Variants in SGCD observed in about 807,000 individuals in gnomAD.
The protein encoded by SGCD is delta-sarcoglycan.
Under a neutral mutation model 36.6 loss-of-function variants are expected in SGCD, and 18 were observed. The ratio of observed to expected loss-of-function variants is 0.49; its 90% confidence interval spans 0.34 to 0.73. The LOEUF is 0.73. SGCD is among the 30% of genes least tolerant of loss of function. SGCD has a pLI of 0.01. For synonymous variants in SGCD, 133 were observed against 130.6 expected (o/e 1.02, Z -0.12); for missense variants, 387 against 346.7 (o/e 1.12, Z -0.92).
chr5:155,938,065 C>T (rs758111463), intron 1 of SGCD, among the ~76,000 whole-genome samples: 10 of 152,310 alleles, frequency 6.6e-5, no homozygotes, highest in South Asian at 6.2e-4. Context: ...CAGACATGAA[C>T]GCAAACATGC....
intron 7 of SGCD, among the ~76,000 whole-genome samples, chr5:156,651,989 C>T (rs1763480305): frequency 6.6e-6 from 1 of 151,956 alleles, no homozygotes. Flanking sequence ...TAGAGATCTT[C>T]TTCTTCCTTG....
At chr5:156,252,427 G>A (rs185209507) in intron 3 of SGCD, among the ~76,000 whole-genome samples, 16 of 152,234 alleles carry the variant, frequency 1.1e-4, no homozygotes, top group South Asian at 6.2e-4. Context: ...GGAAGTACAC[G>A]AATCATACAG....
At chr5:156,444,110 CT>C in intron 3 of SGCD, among the ~76,000 whole-genome samples, 2 of 100,142 alleles carry the variant, frequency 2.0e-5, no homozygotes, top group Non-Finnish European at 3.7e-5. Flanking sequence ...CTCTCTCTCT[CT>C]CTCTCCCCTT....
chr5:156,534,153 A>G (rs929230420), intron 4 of SGCD, among the ~76,000 whole-genome samples: 2 of 150,442 alleles, frequency 1.3e-5, no homozygotes, highest in African/African-American at 2.5e-5. Flanking sequence ...GTATATTTGG[A>G]TACCATCTGT....
At chr5:156,154,298 GC>G in intron 3 of SGCD, among the ~76,000 whole-genome samples, 1 of 151,664 alleles carries the variant, frequency 6.6e-6, no homozygotes, top group Admixed American at 6.6e-5. Flanking sequence ...TTGAACAGTG[GC>G]CTTTCCTCTT....
At chr5:156,532,905 A>G (rs1385302131) in intron 4 of SGCD, among the ~76,000 whole-genome samples, 1 of 152,224 alleles carries the variant, frequency 6.6e-6, no homozygotes, top group African/African-American at 2.4e-5. Context: ...TGAAGGCTCT[A>G]TCACTTTGAT....
chr5:155,904,082 A>T (rs1364438228), intron 1 of SGCD, among the ~76,000 whole-genome samples: 1 of 152,200 alleles, frequency 6.6e-6, no homozygotes, highest in Non-Finnish European at 1.5e-5. Flanking sequence ...TCTGTGAGGA[A>T]GTGTGAAAAT....
rs201100503 is a variant in SGCD at position 156,519,071 on chromosome 5, GA to G, written c.294+10378del. Among the ~76,000 whole-genome samples, 296 of 149,416 alleles carry G rather than the reference GA, an allele frequency of 2.0e-3. 5 individuals carry two copies. The South Asian group carries it at 0.028, about 14-fold the overall frequency. Reference sequence around the variant, plus strand: ...CAACAAATCTAGGAGCTGGTTTTTTGAAAAAAAAATTAATAAAATAGCTTGC... The same window carrying G: ...CAACAAATCTAGGAGCTGGTTTTTTGAAAAAAAATTAATAAAATAGCTTGC... On this transcript the variant is annotated intron_variant, in intron 4 of 8. Transcript: ENST00000337851.
At chr5:156,074,583 G>A (rs1760712533) in intron 1 of SGCD, among the ~76,000 whole-genome samples, 1 of 152,090 alleles carries the variant, frequency 6.6e-6, no homozygotes, top group Non-Finnish European at 1.5e-5. Context: ...GGGAGGCTGA[G>A]GCAGGAGAAT....
intron 3 of SGCD, among the ~76,000 whole-genome samples, chr5:156,366,439 G>C (rs943668153): frequency 3.3e-5 from 5 of 152,140 alleles, no homozygotes; most frequent in African/African-American, 1.2e-4. Flanking sequence ...CCCAGGAAAT[G>C]TACAGGTACT....
At chr5:156,412,465 C>T (rs1036928143) in intron 3 of SGCD, among the ~76,000 whole-genome samples, 1 of 152,016 alleles carries the variant, frequency 6.6e-6, no homozygotes, top group African/African-American at 2.4e-5. Context: ...TCTTTGTGCC[C>T]CAGGACCAAA....
At chr5:156,173,805 A>G (rs72809694) in intron 3 of SGCD, among the ~76,000 whole-genome samples, 1,416 of 141,560 alleles carry the variant, frequency 0.01, 9 homozygotes, top group Non-Finnish European at 0.015. Context: ...TTTCATGCTT[A>G]TCCTTTTGAT....
At position 156,647,468 on chromosome 5, in the gene SGCD, G is replaced by A. The variant is rs10071079; in HGVS notation, c.507G>A (p.Ala169=). 1.2e-3 allele frequency: 1,916 copies of A among 1,580,166 alleles called. 21 individuals are homozygous for A. The African/African-American group carries it at 0.022, about 18-fold the overall frequency. Residue 169 remains alanine, a synonymous_variant, in exon 7 of 9, where the codon GCG becomes GCA. Transcript: ENST00000337851. ...GCTTTTCTGTTTTGTTTACAGGAGC[G>A]GAGGGCACAGTGTTCCCTAAATCTA... The part of the protein sequence containing the change: ...VGAERLRVLG[A]EGTVFPKSIE...
chr5:156,614,693 T>C (rs2113474448), intron 6 of SGCD, among the ~76,000 whole-genome samples: 1 of 152,348 alleles, frequency 6.6e-6, no homozygotes, highest in South Asian at 2.1e-4. Flanking sequence ...ATTTGCTTCT[T>C]TTCAGATGAC....
At chr5:155,869,379 C>T (rs1755586893), upstream of SGCD, among the ~76,000 whole-genome samples, 1 of 152,130 alleles carries the variant, frequency 6.6e-6, no homozygotes, top group Admixed American at 6.5e-5. Flanking sequence ...TATGCTAACT[C>T]TACTCTCTCC....
At chr5:156,406,385 G>T (rs1379321539) in intron 3 of SGCD, among the ~76,000 whole-genome samples, 3 of 152,028 alleles carry the variant, frequency 2.0e-5, no homozygotes, top group Admixed American at 6.6e-5. Flanking sequence ...TGTGCACTCT[G>T]TGATAAGTTT....
At chr5:156,511,760 T>A (rs1214771664) in intron 4 of SGCD, among the ~76,000 whole-genome samples, 1 of 152,230 alleles carries the variant, frequency 6.6e-6, no homozygotes, top group Non-Finnish European at 1.5e-5. Context: ...TTGTCTGGAT[T>A]TTCCCCACTG....
intron 1 of SGCD, among the ~76,000 whole-genome samples, chr5:156,081,037 A>G (rs1760936886): frequency 6.6e-6 from 1 of 152,206 alleles, no homozygotes; most frequent in African/African-American, 2.4e-5. Flanking sequence ...AATAGGTTTC[A>G]TTGGCTCATG....
At chr5:156,479,839 C>G (rs912010094) in intron 3 of SGCD, among the ~76,000 whole-genome samples, 1 of 152,212 alleles carries the variant, frequency 6.6e-6, no homozygotes, top group Admixed American at 6.5e-5. Flanking sequence ...CTGACTGATA[C>G]AGCGAGTTTC....
Sources: gnomAD v4.1 joint callset for allele counts (sites outside exome capture counted in the v4.1 genomes callset) on GRCh38, gnomAD v4.1.1 for gene constraint, MANE v1.5 for transcripts, NCBI Gene and HGNC (gene_info 2026-07-23, HGNC 2026-07-21) for gene names.